The following GLYATL3 variants were observed in gnomAD, a reference collection of about 807,000 sequenced individuals.
GLYATL3 encodes the protein glycine-N-acyltransferase like 3, also known as glycine N-acyltransferase-like protein 3.
A neutral mutation model predicts 28.5 loss-of-function variants in GLYATL3; 31 were observed. That is an observed-to-expected ratio of 1.09 (90% CI 0.82 to 1.47). The LOEUF is 1.47. Among genes scored for constraint, GLYATL3 ranks in the 40% most tolerant of loss-of-function variants. The pLI, the probability that GLYATL3 is intolerant of heterozygous loss-of-function variation, is 0.00. For missense variants in GLYATL3, 369 were observed against 351.5 expected (o/e 1.05, Z -0.40); for synonymous variants, 141 against 140.2 (o/e 1.01, Z -0.04).
At chr6:49,517,859 A>G (rs1420167414) in intron 4 of GLYATL3, among the ~76,000 whole-genome samples, 1 of 152,182 alleles carries the variant, frequency 6.6e-6, no homozygotes, top group Non-Finnish European at 1.5e-5. Context: ...GATGGATATC[A>G]GTGAGAATCA....
At chr6:49,524,268 G>C (rs934215548) in intron 5 of GLYATL3, among the ~76,000 whole-genome samples, 12 of 152,252 alleles carry the variant, frequency 7.9e-5, no homozygotes, top group African/African-American at 2.9e-4. Context: ...CTGCTTAGTG[G>C]ATAGATGACT....
At chr6:49,510,427 T>C (rs909962962) in intron 1 of GLYATL3, among the ~76,000 whole-genome samples, 3 of 152,214 alleles carry the variant, frequency 2.0e-5, no homozygotes, top group Non-Finnish European at 2.9e-5. Flanking sequence ...TTCTAATTCG[T>C]ACTCTTTTCA....
At chr6:49,510,546 A>G (rs1429592617) in intron 1 of GLYATL3, among the ~76,000 whole-genome samples, 2 of 152,202 alleles carry the variant, frequency 1.3e-5, no homozygotes, top group African/African-American at 2.4e-5. Context: ...TTCTATCAGG[A>G]TATATTGAAT....
chr6:49,500,883 C>A (rs1056735359), intron 1 of GLYATL3, among the ~76,000 whole-genome samples: 1 of 152,104 alleles, frequency 6.6e-6, no homozygotes, highest in Non-Finnish European at 1.5e-5. Flanking sequence ...TCTGCTCTAC[C>A]TTGTGGCATT....
chr6:49,509,961 T>C (rs868025511), intron 1 of GLYATL3, among the ~76,000 whole-genome samples: 4 of 117,902 alleles, frequency 3.4e-5, no homozygotes, highest in Non-Finnish European at 7.8e-5. Flanking sequence ...TTTCTTTCTT[T>C]CTTTCTTTCT....
intron 3 of GLYATL3, 57 bp downstream of exon 3, chr6:49,515,817 G>C: frequency 1.0e-6 from 1 of 959,840 alleles, no homozygotes; most frequent in Non-Finnish European, 1.6e-6. Flanking sequence ...AGAAAAAGTA[G>C]GTAATGGTAT....
chr6:49,515,304 A>C (rs948988939), intron 2 of GLYATL3, among the ~76,000 whole-genome samples: 10 of 152,210 alleles, frequency 6.6e-5, no homozygotes, highest in Admixed American at 2.0e-4. Flanking sequence ...CCCTAAGAGC[A>C]TATGTTATCC....
intron 4 of GLYATL3, among the ~76,000 whole-genome samples, chr6:49,518,186 T>TTTG (rs369581941): frequency 7.2e-4 from 109 of 152,090 alleles, no homozygotes; most frequent in African/African-American, 2.2e-3. Context: ...AGGGCCCTTT[T>TTTG]TTGTTGTTGT....
chr6:49,512,080 T>G lies in GLYATL3; in HGVS notation c.78+12T>G. ...CTGAATCACTCAAGGTACCATAAAA[T>G]TAATAATTTTATTTTATTTCTTTAT... On this transcript the variant is annotated intron_variant, in intron 2 of 5. Coordinates refer to ENST00000371197, the MANE Select transcript of GLYATL3 (RefSeq NM_001010904.2). 9.4e-7 allele frequency: 1 copy of G among 1,058,448 alleles called. No individual in the cohort carries two copies. Among genetic ancestry groups the G allele is most frequent in the Non-Finnish European group, 1.4e-6 (1 of 717,034 alleles). 65.6% of individuals were successfully genotyped at this position (1,058,448 alleles called of 1,614,324 possible).
chr6:49,526,169 T>C (rs1193506854), intron 5 of GLYATL3, among the ~76,000 whole-genome samples: 1 of 151,996 alleles, frequency 6.6e-6, no homozygotes, highest in African/African-American at 2.4e-5. Flanking sequence ...TAATCTCAGC[T>C]CTTTGGGAGG....
intron 1 of GLYATL3, among the ~76,000 whole-genome samples, chr6:49,504,369 A>T (rs1768971749): frequency 6.6e-6 from 1 of 151,972 alleles, no homozygotes; most frequent in Admixed American, 6.6e-5. Flanking sequence ...GAATCCAAAC[A>T]GGAGATTGAT....
At chr6:49,515,164 A>G (rs537452446) in intron 2 of GLYATL3, among the ~76,000 whole-genome samples, 2 of 152,140 alleles carry the variant, frequency 1.3e-5, no homozygotes, top group Non-Finnish European at 2.9e-5. Context: ...GTCACCCTCT[A>G]ATGATGTCTA....
chr6:49,521,579 A>T, intron 4 of GLYATL3, 66 bp from the exon 5 acceptor site: 1 of 1,423,206 alleles, frequency 7.0e-7, no homozygotes, highest in Non-Finnish European at 9.6e-7. Flanking sequence ...AATTACTGCA[A>T]CAAATTTCCT....
At chr6:49,502,875 A>T (rs556313259) in intron 1 of GLYATL3, among the ~76,000 whole-genome samples, 312 of 152,338 alleles carry the variant, frequency 2.0e-3, no homozygotes, top group South Asian at 5.6e-3. Flanking sequence ...ATGTAAGGCT[A>T]CGGGAAGCCA....
intron 5 of GLYATL3, among the ~76,000 whole-genome samples, chr6:49,524,165 A>C (rs1769362156): frequency 8.0e-6 from 1 of 125,638 alleles, no homozygotes; most frequent in Admixed American, 8.2e-5. Flanking sequence ...TGCCTTAGCA[A>C]TGATTTTATT....
chr6:49,523,946 C>G (rs910162229), intron 5 of GLYATL3, among the ~76,000 whole-genome samples: 8 of 150,300 alleles, frequency 5.3e-5, no homozygotes, highest in Non-Finnish European at 7.4e-5. Context: ...CCAGTCAAGC[C>G]TTTTGAAATG....
At chr6:49,517,678 TATAA>T in intron 4 of GLYATL3, 122 bp downstream of exon 4, 1 of 603,796 alleles carries the variant, frequency 1.7e-6, no homozygotes, top group Non-Finnish European at 2.6e-6. Context: ...CACCTGTATG[TATAA>T]ATACATACAC....
intron 4 of GLYATL3, among the ~76,000 whole-genome samples, chr6:49,518,765 C>T (rs568952757): frequency 1.1e-4 from 16 of 152,014 alleles, no homozygotes; most frequent in Non-Finnish European, 1.9e-4. Context: ...ACGGTGAAAC[C>T]CCGTCTCTAC....
chr6:49,524,105 C>A (rs1366559653), intron 5 of GLYATL3, among the ~76,000 whole-genome samples: 2 of 152,170 alleles, frequency 1.3e-5, no homozygotes, highest in Non-Finnish European at 2.9e-5. Flanking sequence ...GAACACCCAG[C>A]CCTTTGGAAA....
Sources: allele counts gnomAD v4.1 joint callset (sites outside exome capture counted in the v4.1 genomes callset), GRCh38; gene constraint gnomAD v4.1.1; transcripts MANE v1.5; gene names NCBI Gene and HGNC (gene_info 2026-07-23, HGNC 2026-07-21).